Variants in KCNQ3 observed in about 807,000 individuals in gnomAD.
KCNQ3 encodes potassium voltage-gated channel subfamily Q member 3.
KCNQ3 carries 30 observed loss-of-function variants against 92.5 expected under a neutral mutation model. That is an observed-to-expected ratio of 0.32 (90% CI 0.24 to 0.44). KCNQ3 has a LOEUF of 0.44. Among genes scored for constraint, KCNQ3 ranks in the 20% least tolerant of loss-of-function variants. KCNQ3 has a pLI of 1.00. For synonymous variants in KCNQ3, 450 were observed against 468.8 expected, an observed-to-expected ratio of 0.96 and a Z score of 0.52; for missense variants, 913 against 1,140.3, an observed-to-expected ratio of 0.80 and a Z score of 2.87.
chr8:132,233,311 C>T (rs1814700800), intron 1 of KCNQ3, among the ~76,000 whole-genome samples: 1 of 152,162 alleles, frequency 6.6e-6, no homozygotes, highest in Non-Finnish European at 1.5e-5. Context: ...AGATGCAAAT[C>T]TTCTTTTCTG....
At chr8:132,339,481 C>A (rs961459804) in intron 1 of KCNQ3, among the ~76,000 whole-genome samples, 2 of 152,002 alleles carry the variant, frequency 1.3e-5, no homozygotes, top group African/African-American at 4.8e-5. Flanking sequence ...TAAAAAAAAA[C>A]AAAATGCACT....
chr8:132,278,203 G>C (rs1403892588), intron 1 of KCNQ3: 1 of 985,028 alleles, frequency 1.0e-6, no homozygotes, highest in Admixed American at 6.2e-5. Context: ...CACATAGGAT[G>C]GTAAGACCAA....
intron 1 of KCNQ3, among the ~76,000 whole-genome samples, chr8:132,476,551 T>G (rs1771024307): frequency 6.6e-6 from 1 of 152,242 alleles, no homozygotes; most frequent in African/African-American, 2.4e-5. Flanking sequence ...TTTTAATGCA[T>G]GCCCTGCTGG....
At chr8:132,297,545 C>T (rs918886528) in intron 1 of KCNQ3, among the ~76,000 whole-genome samples, 1 of 152,168 alleles carries the variant, frequency 6.6e-6, no homozygotes, top group Non-Finnish European at 1.5e-5. Context: ...TTTCCCACTA[C>T]AGCACAAATA....
intron 1 of KCNQ3, among the ~76,000 whole-genome samples, chr8:132,381,617 T>C (rs1385734235): frequency 2.0e-5 from 3 of 152,206 alleles, no homozygotes; most frequent in Non-Finnish European, 4.4e-5. Context: ...ATTCAACAAA[T>C]AACTTATTGA....
intron 13 of KCNQ3, 77 bp from the exon 14 acceptor site, chr8:132,132,341 A>T (rs955971125): frequency 8.9e-7 from 1 of 1,118,956 alleles, no homozygotes; most frequent in Admixed American, 1.7e-5. Flanking sequence ...TAGGCAGGCC[A>T]TGGCCAACAG....
At chr8:132,336,944 C>A (rs1324680525) in intron 1 of KCNQ3, among the ~76,000 whole-genome samples, 1 of 152,210 alleles carries the variant, frequency 6.6e-6, no homozygotes, top group African/African-American at 2.4e-5. Flanking sequence ...ACATTCCATT[C>A]AGGAGACTTG....
intron 1 of KCNQ3, among the ~76,000 whole-genome samples, chr8:132,400,198 C>A (rs890373318): frequency 1.3e-5 from 2 of 152,190 alleles, no homozygotes; most frequent in African/African-American, 4.8e-5. Flanking sequence ...CGTCTGTGTG[C>A]CTCTTGTCTG....
In KCNQ3 at chr8:132,479,617, C is replaced by T. The variant is rs138135639; in HGVS notation, c.386+530G>A. Among the ~76,000 whole-genome samples, 852 of 136,254 alleles carry T rather than the reference C, an allele frequency of 6.3e-3. 18 individuals are homozygous for T. The highest frequency in any genetic ancestry group is 0.023 in the African/African-American group (814 of 34,994). 89.4% of individuals were successfully genotyped at this position (136,254 alleles called of 152,430 possible). A position where few individuals can be genotyped will look rare whatever the true frequency, so the allele number is the denominator to read the frequency against. On this transcript the variant is annotated intron_variant, in intron 1 of 14. Coordinates refer to ENST00000388996, the MANE Select transcript of KCNQ3 (RefSeq NM_004519.4). The stretch of plus-strand genomic sequence containing the variant: ...CAGTACCCAGCGATCAGAAGGGTGG[C>T]ACAAGCAAGCGACACACACACACAC...
At chr8:132,294,137 A>C (rs1452768230) in intron 1 of KCNQ3, among the ~76,000 whole-genome samples, 1 of 151,492 alleles carries the variant, frequency 6.6e-6, no homozygotes, top group Non-Finnish European at 1.5e-5. Flanking sequence ...AGTAGCTGGG[A>C]CCACAGGTGC....
chr8:132,347,271 T>G (rs1405375070), intron 1 of KCNQ3, among the ~76,000 whole-genome samples: 2 of 152,190 alleles, frequency 1.3e-5, no homozygotes, highest in Non-Finnish European at 2.9e-5. Context: ...TCTTTACTCA[T>G]CAAGTATTTC....
Position 132,123,753 on chromosome 8 carries a change from C to G in KCNQ3, c.*5509G>C, listed in dbSNP as rs1824571442. The G allele has an allele frequency of 6.6e-6, 1 of 152,170 alleles. No homozygotes were observed. The highest frequency in any genetic ancestry group is 2.1e-4 in the South Asian group (1 of 4,830). 9.4% of individuals were successfully genotyped at this position (152,170 alleles called of 1,614,324 possible). The stretch of plus-strand genomic sequence containing the variant: ...AAGACAGGTGGTTGTTCTGGGTGAT[C>G]AAAATCTCTTCTTGCTCTGTGTATC... On this transcript the variant is annotated 3_prime_UTR_variant, in exon 15 of 15. Coordinates refer to ENST00000388996, the MANE Select transcript of KCNQ3 (RefSeq NM_004519.4).
chr8:132,449,125 G>A (rs997856018), intron 1 of KCNQ3, among the ~76,000 whole-genome samples: 1 of 152,182 alleles, frequency 6.6e-6, no homozygotes, highest in African/African-American at 2.4e-5. Context: ...AGTGTTTGTA[G>A]CCATTCAGTG....
intron 1 of KCNQ3, among the ~76,000 whole-genome samples, chr8:132,275,504 G>A (rs777071205): frequency 4.5e-4 from 69 of 151,944 alleles, no homozygotes; most frequent in African/African-American, 1.4e-3. Flanking sequence ...GAAGGAGTAT[G>A]AGGGTCATTT....
chr8:132,257,869 C>T (rs191197044), intron 1 of KCNQ3, among the ~76,000 whole-genome samples: 7 of 151,678 alleles, frequency 4.6e-5, no homozygotes, highest in Admixed American at 3.9e-4. Flanking sequence ...GCTGGGGTGG[C>T]CATAATAATA....
At chr8:132,217,766 C>T (rs1410994704) in intron 1 of KCNQ3, among the ~76,000 whole-genome samples, 4 of 148,098 alleles carry the variant, frequency 2.7e-5, no homozygotes, top group Non-Finnish European at 5.9e-5. Flanking sequence ...GAGTATCTTT[C>T]AATAAGTGCA....
intron 1 of KCNQ3, among the ~76,000 whole-genome samples, chr8:132,323,568 G>C (rs1817955989): frequency 6.6e-6 from 1 of 152,116 alleles, no homozygotes; most frequent in Non-Finnish European, 1.5e-5. Flanking sequence ...CTCCTAGCCT[G>C]TTTTAGAAAA....
At chr8:132,207,219 T>C (rs1229300731) in intron 1 of KCNQ3, among the ~76,000 whole-genome samples, 2 of 152,242 alleles carry the variant, frequency 1.3e-5, no homozygotes, top group Non-Finnish European at 2.9e-5. Context: ...TGCTCCATTC[T>C]GCCAGATGGC....
At chr8:132,140,723 G>A in intron 10 of KCNQ3, 1 of 280,708 alleles carries the variant, frequency 3.6e-6, no homozygotes, top group South Asian at 4.3e-5. Flanking sequence ...AGGCACATGA[G>A]GCCATGGCTC....
Sources: gnomAD v4.1 joint callset for allele counts (sites outside exome capture counted in the v4.1 genomes callset) on GRCh38, gnomAD v4.1.1 for gene constraint, MANE v1.5 for transcripts, NCBI Gene and HGNC (gene_info 2026-07-23, HGNC 2026-07-21) for gene names.